Variants in TLR7 observed in about 807,000 individuals in gnomAD.
TLR7 encodes toll like receptor 7.
A neutral mutation model predicts 38.3 loss-of-function variants in TLR7; 12 were observed. The observed-to-expected ratio is 0.31, with a 90% CI of 0.20 to 0.51. The LOEUF is 0.51. TLR7 is among the 20% of genes least tolerant of loss of function. The probability of loss-of-function intolerance (pLI) is 0.98; values close to 1 mark genes in which losing one functional copy is unlikely to be tolerated. For synonymous variants in TLR7, 285 were observed against 293.8 expected (o/e 0.97, Z 0.31); for missense variants, 504 against 743.4 (o/e 0.68, Z 3.74).
Position 12,889,696 on chromosome X carries a change from A to G in TLR7, c.*1038A>G, listed in dbSNP as rs2042924495. On this transcript the variant is annotated 3_prime_UTR_variant, in exon 3 of 3. Transcript: ENST00000380659. Reference sequence around the variant, plus strand: ...TACCTTTGATAATTTACCTGCTTAAATGTTTTTATCTGCACTGCAAAGTAC... The same window carrying G: ...TACCTTTGATAATTTACCTGCTTAAGTGTTTTTATCTGCACTGCAAAGTAC... 8.8e-6 allele frequency: 1 copy of G among 113,058 alleles called. No individual in the cohort carries two copies. The highest frequency in any genetic ancestry group is 3.2e-5 in the African/African-American group (1 of 31,195). The allele number at this position is 113,058 out of a possible 1,213,427, so 9.3% of individuals were successfully genotyped here. A position where few individuals can be genotyped will look rare whatever the true frequency, so the allele number is the denominator to read the frequency against.
intron 2 of TLR7, among the ~76,000 whole-genome samples, chrX:12,868,822 T>C (rs1016131335): frequency 1.3e-4 from 14 of 111,865 alleles, no homozygotes; most frequent in Admixed American, 1.9e-4. Context: ...GGGGCTATTG[T>C]TACAAAGGAA....
chrX:12,887,167 G>A lies in TLR7; in HGVS notation c.1659G>A (p.Arg553=), dbSNP rs201852856. The A allele has an allele frequency of 8.0e-5, 97 of 1,210,173 alleles. No homozygotes were observed. Among genetic ancestry groups the A allele is most frequent in the South Asian group, 4.9e-4 (28 of 56,837 alleles). The stretch of plus-strand genomic sequence containing the variant: ...GATATTTGGACTTCTCCAACAACCG[G>A]CTTGATTTACTCCATTCAACAGCAT... The part of the protein sequence containing the change: ...ELRYLDFSNN[R]LDLLHSTAFE... The change falls in exon 3 of 3, where the codon CGG becomes CGA. Residue 553 remains arginine (R), a synonymous_variant. Transcript: ENST00000380659.
At chrX:12,874,045 C>T (rs905861314) in intron 2 of TLR7, among the ~76,000 whole-genome samples, 22 of 112,597 alleles carry the variant, frequency 2.0e-4, no homozygotes, top group African/African-American at 6.5e-4. Context: ...TAAGGCCGGG[C>T]GTAGTGGCTC....
At chrX:12,871,581 C>T (rs1428051463) in intron 2 of TLR7, among the ~76,000 whole-genome samples, 1 of 112,236 alleles carries the variant, frequency 8.9e-6, no homozygotes, top group Non-Finnish European at 1.9e-5. Flanking sequence ...GAAAGCCCCT[C>T]GCTCACACGT....
intron 2 of TLR7, among the ~76,000 whole-genome samples, chrX:12,868,219 AT>A (rs1188298598): frequency 8.9e-6 from 1 of 111,923 alleles, no homozygotes; most frequent in Non-Finnish European, 1.9e-5. Context: ...GGGTAAAAGG[AT>A]TCTGGCTAAA....
At chrX:12,871,611 T>C (rs933310983) in intron 2 of TLR7, among the ~76,000 whole-genome samples, 13 of 112,085 alleles carry the variant, frequency 1.2e-4, no homozygotes, top group Admixed American at 7.6e-4. Flanking sequence ...AGCAACTCTT[T>C]GTCTTAGAAA....
chrX:12,886,576 T>C lies in TLR7; in HGVS notation c.1068T>C (p.Tyr356=). Residue 356 remains tyrosine, a synonymous_variant, in exon 3 of 3, where the codon TAT becomes TAC. Transcript: ENST00000380659. Reference sequence around the variant, plus strand: ...CTTTCAATTTTGAACTTCAGGTCTATCGTGCATCTATGAATCTATCACAAG... The same window carrying C: ...CTTTCAATTTTGAACTTCAGGTCTACCGTGCATCTATGAATCTATCACAAG... ...DLSFNFELQV[Y]RASMNLSQAF... is the part of the protein sequence containing the mutation. 1 of 1,212,108 alleles carries C rather than the reference T, an allele frequency of 8.3e-7. No individual in the cohort carries two copies. The highest frequency in any genetic ancestry group is 1.8e-5 in the South Asian group (1 of 57,003).
intron 2 of TLR7, among the ~76,000 whole-genome samples, chrX:12,883,613 C>A (rs1174425795): frequency 9.0e-6 from 1 of 111,399 alleles, no homozygotes; most frequent in African/African-American, 3.3e-5. Flanking sequence ...GCCTGGGAAA[C>A]AATTTCAAGG....
At chrX:12,870,258 G>T (rs1325831968) in intron 2 of TLR7, among the ~76,000 whole-genome samples, 1 of 111,770 alleles carries the variant, frequency 8.9e-6, no homozygotes, top group Non-Finnish European at 1.9e-5. Context: ...TTTTTGTACT[G>T]ACAAAGCCTT....
chrX:12,886,654 T>C lies in TLR7; in HGVS notation c.1146T>C (p.Phe382=). ...TTCTGCGGATCAGAGGATATGTCTT[T>C]AAAGAGTTGAAAAGCTTTAACCTCT... ...LKILRIRGYV[F]KELKSFNLSP... The change falls in exon 3 of 3, where the codon TTT becomes TTC. Residue 382 remains phenylalanine, a synonymous_variant. Coordinates refer to ENST00000380659, the MANE Select transcript of TLR7 (RefSeq NM_016562.4). 2 of 1,211,973 alleles carry C rather than the reference T, an allele frequency of 1.7e-6. No homozygotes were observed. Among genetic ancestry groups the C allele is most frequent in the South Asian group, 1.8e-5 (1 of 57,013 alleles).
Position 12,887,339 on chromosome X carries a change from T to C in TLR7, c.1831T>C (p.Ser611Pro). ...LMMNDNDISS[S>P]TSRTMESESL... ...GATGAACGACAATGACATCTCTTCC[T>C]CCACCAGCAGGACCATGGAGAGTGA... The change falls in exon 3 of 3, where the codon TCC becomes CCC. Residue 611 changes from serine to proline, a missense_variant. Physicochemically the swap from Ser to Pro is moderately conservative, Grantham distance 74. Coordinates refer to ENST00000380659, the MANE Select transcript of TLR7 (RefSeq NM_016562.4). 8.3e-7 allele frequency: 1 copy of C among 1,211,845 alleles called. No homozygotes were observed. Among genetic ancestry groups the C allele is most frequent in the Non-Finnish European group, 1.1e-6 (1 of 895,464 alleles).
intron 2 of TLR7, among the ~76,000 whole-genome samples, chrX:12,874,626 T>C (rs2042864503): frequency 8.9e-6 from 1 of 111,845 alleles, no homozygotes. Context: ...CTCCAGAGTT[T>C]GTTGATGAGA....
At chrX:12,884,102 C>A (rs183466935) in intron 2 of TLR7, among the ~76,000 whole-genome samples, 286 of 111,470 alleles carry the variant, frequency 2.6e-3, no homozygotes, top group Middle Eastern at 9.3e-3. Context: ...AACTCAACCT[C>A]CCGAGTAGCT....
chrX:12,870,218 T>G lies in TLR7; in HGVS notation c.3+2637T>G, dbSNP rs72552311. Among the ~76,000 whole-genome samples the G allele has an allele frequency of 8.7e-4, 97 of 111,688 alleles. 2 individuals are homozygous for G. The highest frequency in any genetic ancestry group is 2.9e-3 in the African/African-American group (89 of 30,763). On this transcript the variant is annotated intron_variant, in intron 2 of 2. Transcript: ENST00000380659. ...TGATTTATGAAAGTCAGAGAGCTCTTACATGACAGAACAAGGACTTAAAAC... is the reference window on the plus strand; with the variant it reads ...TGATTTATGAAAGTCAGAGAGCTCTGACATGACAGAACAAGGACTTAAAAC...
chrX:12,887,548 C>G lies in TLR7; in HGVS notation c.2040C>G (p.Leu680=). 2 of 1,211,362 alleles carry G rather than the reference C, an allele frequency of 1.7e-6. No individual in the cohort carries two copies. The highest frequency in any genetic ancestry group is 1.1e-6 in the Non-Finnish European group (1 of 895,497). ...FDGMPPNLKN[L]SLAKNGLKSF... ...GTATGCCTCCAAATCTAAAGAATCT[C>G]TCTTTGGCCAAAAATGGGCTCAAAT... The change falls in exon 3 of 3, where the codon CTC becomes CTG. Residue 680 remains leucine, a synonymous_variant. Coordinates refer to ENST00000380659, the MANE Select transcript of TLR7 (RefSeq NM_016562.4).
In TLR7 at chrX:12,867,468, C is replaced by T. The variant is rs201939170; in HGVS notation, c.-98-13C>T. On this transcript the variant is annotated splice_polypyrimidine_tract_variant and intron_variant, in intron 1 of 2. Transcript: ENST00000380659. The stretch of plus-strand genomic sequence containing the variant: ...TTTGAAATGTAAACTTTGATGTCTT[C>T]TCTTTCTCTTAGTTGATGCTATTGG... 7.4e-5 allele frequency: 48 copies of T among 652,428 alleles called. No homozygotes were observed. The highest frequency in any genetic ancestry group is 1.1e-4 in the Non-Finnish European group (46 of 408,277). The allele number at this position is 652,428 out of a possible 1,213,427, so 53.8% of individuals were successfully genotyped here.
intron 2 of TLR7, among the ~76,000 whole-genome samples, chrX:12,882,687 T>C (rs773952761): frequency 1.2e-4 from 13 of 112,207 alleles, no homozygotes; most frequent in African/African-American, 4.2e-4. Context: ...ACACCACTGG[T>C]GAAGGTGACT....
At chrX:12,883,121 A>T (rs1944448907) in intron 2 of TLR7, among the ~76,000 whole-genome samples, 3 of 112,052 alleles carry the variant, frequency 2.7e-5, no homozygotes, top group Non-Finnish European at 5.6e-5. Context: ...AAATCCTATT[A>T]TCAGGGACCA....
intron 2 of TLR7, among the ~76,000 whole-genome samples, chrX:12,879,868 T>C (rs925511120): frequency 8.1e-5 from 9 of 111,680 alleles, no homozygotes; most frequent in Non-Finnish European, 1.7e-4. Context: ...AGAAAACATG[T>C]TGAGAGATGT....
Sources: allele counts gnomAD v4.1 joint callset (sites outside exome capture counted in the v4.1 genomes callset), GRCh38; gene constraint gnomAD v4.1.1; transcripts MANE v1.5; gene names NCBI Gene and HGNC (gene_info 2026-07-23, HGNC 2026-07-21).